The following PCDHA2 variants were observed in gnomAD, a reference collection of about 807,000 sequenced individuals.
PCDHA2 encodes the protein protocadherin alpha-2.
In PCDHA2, 58 loss-of-function variants were observed where a neutral mutation model predicts 66.0. The observed-to-expected ratio is 0.88, with a 90% CI of 0.71 to 1.09. The LOEUF (loss-of-function observed/expected upper bound fraction) is 1.09, where lower values mean the gene tolerates loss of function less well. Ranked by LOEUF, PCDHA2 falls within the 50% of genes least tolerant of loss-of-function variation. The probability of loss-of-function intolerance (pLI) is 0.00; values close to 1 mark genes in which losing one functional copy is unlikely to be tolerated. For synonymous variants in PCDHA2, 634 were observed against 554.0 expected, an observed-to-expected ratio of 1.14 and a Z score of -2.03; for missense variants, 1,267 against 1,242.3, an observed-to-expected ratio of 1.02 and a Z score of -0.30.
At chr5:140,883,757 C>A (rs369534214) in intron 1 of PCDHA2, 175 of 1,612,790 alleles carry the variant, frequency 1.1e-4, no homozygotes, top group Non-Finnish European at 1.5e-4. Flanking sequence ...GCTGGTGGAG[C>A]GGCGGGTGGG....
At chr5:140,926,409 C>G (rs1426750263) in intron 1 of PCDHA2, 3 of 152,670 alleles carry the variant, frequency 2.0e-5, no homozygotes, top group Admixed American at 6.5e-5. Context: ...CAGCAATCTG[C>G]GGGCAGAGGA....
chr5:140,949,550 G>A (rs1195934854), intron 1 of PCDHA2, among the ~76,000 whole-genome samples: 11 of 151,608 alleles, frequency 7.3e-5, no homozygotes, highest in Admixed American at 7.2e-4. Flanking sequence ...TTTGTTGCTG[G>A]TCATACTTTT....
chr5:140,824,708 T>A (rs1554130043), intron 1 of PCDHA2: 1 of 146,138 alleles, frequency 6.8e-6, no homozygotes, highest in African/African-American at 2.5e-5. Flanking sequence ...CATGCTCCCG[T>A]CTCAGCCTCC....
intron 1 of PCDHA2, chr5:140,830,046 A>G: frequency 6.2e-7 from 1 of 1,613,718 alleles, no homozygotes; most frequent in Non-Finnish European, 8.5e-7. Context: ...GTGCTGGTGA[A>G]AGACCACGGT....
chr5:140,928,616 G>A, intron 1 of PCDHA2: 2 of 1,614,226 alleles, frequency 1.2e-6, no homozygotes, highest in Non-Finnish European at 8.5e-7. Flanking sequence ...CGCTCTGCCA[G>A]GACTGGACAC....
chr5:140,850,624 T>C (rs2150491182), intron 1 of PCDHA2: 1 of 1,598,468 alleles, frequency 6.3e-7, no homozygotes, highest in African/African-American at 1.3e-5. Flanking sequence ...GTGTCTAGCC[T>C]GTTGGTTCTC....
chr5:140,821,706 TG>T, intron 1 of PCDHA2: 2 of 1,441,006 alleles, frequency 1.4e-6, no homozygotes, highest in Non-Finnish European at 1.9e-6. Flanking sequence ...TATAGTTAAT[TG>T]GGAATTGAAT....
At chr5:140,999,078 T>G (rs1554256609) in intron 3 of PCDHA2, among the ~76,000 whole-genome samples, 2 of 152,208 alleles carry the variant, frequency 1.3e-5, no homozygotes, top group Non-Finnish European at 2.9e-5. Context: ...CTTCACTTCC[T>G]CCTTCAGAGG....
At chr5:140,978,862 T>C (rs750080921) in intron 1 of PCDHA2, 87 bp from the exon 2 acceptor site, 138 of 1,599,976 alleles carry the variant, frequency 8.6e-5, no homozygotes, top group Non-Finnish European at 1.1e-4. Flanking sequence ...CTGGAAATAT[T>C]TAAGGGAGTA....
intron 1 of PCDHA2, chr5:140,830,444 A>G (rs1204273362): frequency 1.2e-6 from 2 of 1,603,464 alleles, no homozygotes; most frequent in African/African-American, 2.7e-5. Flanking sequence ...TATGATGGGT[A>G]AGGCGGAGAA....
chr5:140,819,440 ATT>A (rs1446533087), intron 1 of PCDHA2, among the ~76,000 whole-genome samples: 1 of 152,136 alleles, frequency 6.6e-6, no homozygotes, highest in Non-Finnish European at 1.5e-5. Flanking sequence ...TTAAATCTAA[ATT>A]TTTTTCTCAA....
chr5:140,884,176 T>C, intron 1 of PCDHA2: 1 of 1,613,372 alleles, frequency 6.2e-7, no homozygotes, highest in South Asian at 1.1e-5. Flanking sequence ...CGACGCGCCC[T>C]CTGGACGAGG....
chr5:140,833,280 G>A (rs181122201), intron 1 of PCDHA2, among the ~76,000 whole-genome samples: 14 of 152,214 alleles, frequency 9.2e-5, no homozygotes, highest in African/African-American at 3.4e-4. Flanking sequence ...AACTTATTTA[G>A]GAAAGCATCT....
At chr5:140,822,828 A>G in intron 1 of PCDHA2, 2 of 1,614,224 alleles carry the variant, frequency 1.2e-6, no homozygotes, top group Non-Finnish European at 1.7e-6. Flanking sequence ...AGATGGCCAT[A>G]ACCACCCTTT....
chr5:140,968,802 C>T, intron 1 of PCDHA2: 1 of 1,614,218 alleles, frequency 6.2e-7, no homozygotes. Flanking sequence ...ATTACAGTAG[C>T]TGTGGTGGAT....
At chr5:140,801,492 A>G in intron 1 of PCDHA2, 2 of 1,614,130 alleles carry the variant, frequency 1.2e-6, no homozygotes, top group Non-Finnish European at 1.7e-6. Flanking sequence ...GTGCGGGCGG[A>G]GCGCGGAGTG....
chr5:140,896,046 G>A (rs1430238321), intron 1 of PCDHA2, among the ~76,000 whole-genome samples: 2 of 151,866 alleles, frequency 1.3e-5, no homozygotes, highest in East Asian at 1.9e-4. Context: ...CCTGACCTCA[G>A]GTGATCCGCC....
At chr5:140,909,438 T>C (rs2074496860) in intron 1 of PCDHA2, among the ~76,000 whole-genome samples, 1 of 152,222 alleles carries the variant, frequency 6.6e-6, no homozygotes, top group Non-Finnish European at 1.5e-5. Context: ...GATAATCCAC[T>C]GTCATTCTCC....
At chr5:140,945,673 A>G (rs192775886) in intron 1 of PCDHA2, among the ~76,000 whole-genome samples, 137 of 152,272 alleles carry the variant, frequency 9.0e-4, no homozygotes, top group Middle Eastern at 3.4e-3. Context: ...CCAGAAATAA[A>G]TCCACACAGT....
Sources: allele counts gnomAD v4.1 joint callset (sites outside exome capture counted in the v4.1 genomes callset), GRCh38; gene constraint gnomAD v4.1.1; transcripts MANE v1.5; gene names NCBI Gene and HGNC (gene_info 2026-07-23, HGNC 2026-07-21).